The following LRRC69 variants were observed in gnomAD, a reference collection of about 807,000 sequenced individuals.
LRRC69 encodes the protein leucine-rich repeat-containing protein 69.
In LRRC69, 42 loss-of-function variants were observed where a neutral mutation model predicts 37.8. The observed-to-expected ratio is 1.11, with a 90% CI of 0.87 to 1.44. The LOEUF is 1.44. LRRC69 is among the 40% of genes most tolerant of loss of function. The pLI is 0.00. For missense variants in LRRC69, 357 were observed against 401.9 expected (o/e 0.89, Z 0.96); for synonymous variants, 141 against 143.1 (o/e 0.99, Z 0.11).
chr8:91,166,492 G>GAAAAAAAAAAAAAAA (rs66705016), intron 5 of LRRC69, among the ~76,000 whole-genome samples: 11 of 95,250 alleles, frequency 1.2e-4, no homozygotes, highest in African/African-American at 3.6e-4. Flanking sequence ...AAAATAAACT[G>GAAAAAAAAAAAAAAA]AAAAAAAAAA....
chr8:91,153,843 A>G (rs1042078004), intron 5 of LRRC69, among the ~76,000 whole-genome samples: 1 of 151,982 alleles, frequency 6.6e-6, no homozygotes, highest in African/African-American at 2.4e-5. Context: ...AGCTAGGAGA[A>G]GACAGGAAAT....
intron 5 of LRRC69, among the ~76,000 whole-genome samples, chr8:91,164,375 G>A (rs867682506): frequency 5.3e-5 from 8 of 151,680 alleles, no homozygotes; most frequent in African/African-American, 1.9e-4. Flanking sequence ...AGCCAGGACT[G>A]CTTTCCTTTA....
At chr8:91,157,903 A>T (rs770631553) in intron 5 of LRRC69, 175 of 1,569,400 alleles carry the variant, frequency 1.1e-4, no homozygotes, top group Non-Finnish European at 1.5e-4. Context: ...ACATAGGCTC[A>T]AAGTACAAGA....
intron 1 of LRRC69, among the ~76,000 whole-genome samples, chr8:91,114,196 C>T (rs773633545): frequency 1.3e-4 from 20 of 151,722 alleles, no homozygotes; most frequent in Non-Finnish European, 2.5e-4. Context: ...AGGAAATGTT[C>T]GTACATTGTT....
intron 4 of LRRC69, 106 bp downstream of exon 4, chr8:91,133,411 G>A: frequency 1.3e-6 from 1 of 753,030 alleles, no homozygotes; most frequent in Non-Finnish European, 2.0e-6. Flanking sequence ...GCCACCACTT[G>A]CTTTCTCTCA....
At chr8:91,181,596 A>T (rs1011273583) in intron 5 of LRRC69, among the ~76,000 whole-genome samples, 1 of 152,176 alleles carries the variant, frequency 6.6e-6, no homozygotes, top group African/African-American at 2.4e-5. Flanking sequence ...AAGACAATTT[A>T]TATGACCAGG....
chr8:91,151,532 C>T (rs952644729), intron 5 of LRRC69, among the ~76,000 whole-genome samples: 2 of 150,752 alleles, frequency 1.3e-5, no homozygotes, highest in African/African-American at 4.9e-5. Flanking sequence ...TTTTTTTAAT[C>T]CAGTCTGTCA....
intron 1 of LRRC69, chr8:91,118,432 T>C (rs1813557401): frequency 9.4e-6 from 3 of 320,092 alleles, no homozygotes; most frequent in African/African-American, 7.7e-5. Flanking sequence ...CTTGGGAAGC[T>C]GAATGAGAAT....
chr8:91,117,649 G>T (rs1291940179), intron 1 of LRRC69, among the ~76,000 whole-genome samples: 1 of 149,136 alleles, frequency 6.7e-6, no homozygotes, highest in African/African-American at 2.5e-5. Flanking sequence ...AGTCCAGGAT[G>T]TGGGATATCT....
intron 7 of LRRC69, among the ~76,000 whole-genome samples, chr8:91,214,476 A>G (rs903680902): frequency 6.6e-6 from 1 of 152,204 alleles, no homozygotes; most frequent in Admixed American, 6.6e-5. Flanking sequence ...AAGCTATAAT[A>G]GAAACCCTCA....
intron 5 of LRRC69, among the ~76,000 whole-genome samples, chr8:91,162,607 T>A (rs1473471941): frequency 6.6e-6 from 1 of 151,500 alleles, no homozygotes; most frequent in Non-Finnish European, 1.5e-5. Flanking sequence ...GTATGGAACA[T>A]CTTTTCCCAT....
chr8:91,149,439 T>C (rs1331653229), intron 5 of LRRC69, among the ~76,000 whole-genome samples: 1 of 151,970 alleles, frequency 6.6e-6, no homozygotes, highest in Non-Finnish European at 1.5e-5. Context: ...GTTCCATTGG[T>C]CTATATCTCT....
At chr8:91,185,929 A>G (rs1302124748) in intron 5 of LRRC69, among the ~76,000 whole-genome samples, 1 of 152,076 alleles carries the variant, frequency 6.6e-6, no homozygotes, top group Non-Finnish European at 1.5e-5. Context: ...CCTCACCCCC[A>G]GTTTACTTTA....
chr8:91,140,904 C>T lies in LRRC69; in HGVS notation c.651+5165C>T, dbSNP rs1309122493. ...TCCTGACCTCGTGATCCGCCCGCCTCGGCCTCCCAAAGTGCTGGGATTACA... is the reference window on the plus strand; with the variant it reads ...TCCTGACCTCGTGATCCGCCCGCCTTGGCCTCCCAAAGTGCTGGGATTACA... On this transcript the variant is annotated intron_variant, in intron 5 of 7. Coordinates refer to ENST00000448384, the Ensembl canonical transcript of LRRC69. 7.5e-4 allele frequency among the ~76,000 whole-genome samples: 13 copies of T among 17,328 alleles called. 5 individuals are homozygous for T. Among genetic ancestry groups the T allele is most frequent in the Non-Finnish European group, 1.3e-3 (9 of 6,864 alleles). The allele number at this position is 17,328 out of a possible 152,430, so 11.4% of individuals were successfully genotyped here.
At chr8:91,152,392 T>C (rs1808757029) in intron 5 of LRRC69, among the ~76,000 whole-genome samples, 4 of 151,864 alleles carry the variant, frequency 2.6e-5, no homozygotes, top group African/African-American at 9.6e-5. Flanking sequence ...GGGAATACTT[T>C]CCCCATTGCT....
intron 1 of LRRC69, among the ~76,000 whole-genome samples, chr8:91,117,583 T>TTA (rs1491454483): frequency 4.9e-5 from 5 of 101,830 alleles, no homozygotes; most frequent in Admixed American, 1.9e-4. Context: ...TTTTTTTTTT[T>TTA]ACAGGGATAA....
intron 6 of LRRC69, among the ~76,000 whole-genome samples, chr8:91,199,538 C>A (rs1335951664): frequency 1.3e-5 from 2 of 152,008 alleles, no homozygotes; most frequent in Non-Finnish European, 2.9e-5. Context: ...AAATTAATTT[C>A]ATGCATGGGG....
chr8:91,114,317 T>C (rs1472753060), intron 1 of LRRC69, among the ~76,000 whole-genome samples: 2 of 151,856 alleles, frequency 1.3e-5, no homozygotes, highest in African/African-American at 4.8e-5. Flanking sequence ...CCAAAGCAAA[T>C]GAAATCAGTA....
chr8:91,132,382 T>C (rs969663163), intron 3 of LRRC69, among the ~76,000 whole-genome samples: 5 of 152,034 alleles, frequency 3.3e-5, no homozygotes, highest in African/African-American at 1.2e-4. Context: ...TGCTTAGTAA[T>C]GTTAATTCCC....
Sources: gnomAD v4.1 joint callset for allele counts (sites outside exome capture counted in the v4.1 genomes callset) on GRCh38, gnomAD v4.1.1 for gene constraint, MANE v1.5 for transcripts, NCBI Gene and HGNC (gene_info 2026-07-23, HGNC 2026-07-21) for gene names.